Variants in DISP1 observed in about 807,000 individuals in gnomAD.
The protein encoded by DISP1 is dispatched RND transporter family member 1, also known as protein dispatched homolog 1.
Under a neutral mutation model 37.3 loss-of-function variants are expected in DISP1, and 30 were observed. The ratio of observed to expected loss-of-function variants is 0.80; its 90% CI spans 0.60 to 1.09. DISP1 has a LOEUF of 1.09. DISP1 is among the 50% of genes least tolerant of loss of function. The pLI, the probability that DISP1 is intolerant of heterozygous loss-of-function variation, is 0.00. For missense variants in DISP1, 1,598 were observed against 1,879.5 expected (o/e 0.85, Z 2.77); for synonymous variants, 634 against 690.2 (o/e 0.92, Z 1.28).
chr1:222,977,099 G>A (rs1186885772), intron 3 of DISP1, among the ~76,000 whole-genome samples: 1 of 152,020 alleles, frequency 6.6e-6, no homozygotes, highest in East Asian at 1.9e-4. Flanking sequence ...GCGCGATCTC[G>A]GTTCACCGCA....
intron 3 of DISP1, among the ~76,000 whole-genome samples, chr1:222,969,182 C>T (rs4509582): frequency 0.27 from 41,341 of 150,934 alleles, 5,821 homozygotes; most frequent in South Asian, 0.33. Context: ...ACCAGCCTGG[C>T]CAACACAGTG....
chr1:222,930,302 T>G (rs78109271), intron 2 of DISP1, among the ~76,000 whole-genome samples: 1,791 of 152,254 alleles, frequency 0.012, 31 homozygotes, highest in African/African-American at 0.041. Context: ...TATGAACATT[T>G]CCTATTTTTG....
chr1:222,819,050 T>C (rs1415336419), intron 1 of DISP1, among the ~76,000 whole-genome samples: 4 of 152,212 alleles, frequency 2.6e-5, no homozygotes, highest in Non-Finnish European at 5.9e-5. Context: ...GATTGGATCA[T>C]GGAGGTGGTT....
chr1:222,919,082 G>A (rs1369856336), intron 1 of DISP1, among the ~76,000 whole-genome samples: 1 of 152,246 alleles, frequency 6.6e-6, no homozygotes, highest in African/African-American at 2.4e-5. Context: ...GGAGCCATAA[G>A]CCAGTTGAAT....
At chr1:222,979,775 G>C (rs1677700378) in intron 3 of DISP1, 1 of 392,260 alleles carries the variant, frequency 2.5e-6, no homozygotes, top group Admixed American at 2.7e-5. Flanking sequence ...GCCCTGGCCA[G>C]CTGAGCGCTG....
In DISP1 at chr1:222,991,539, C is replaced by G; in HGVS notation, c.683C>G (p.Thr228Arg). ...CCTTAGGGTTTTGAACCAAGAGGAA[C>G]AGCAATAGGCCAGAGATTGGTCACA... ...DPLLGFEPRGTAIGQRLVTWN... is the reference protein window; with the variant it reads ...DPLLGFEPRGRAIGQRLVTWN... The change falls in exon 6 of 9, where the codon ACA becomes AGA. Residue 228 changes from threonine to arginine, a missense_variant. Physicochemically the swap from Thr to Arg is moderately conservative, Grantham distance 71. Transcript: ENST00000675850. The G allele has an allele frequency of 3.1e-6, 5 of 1,613,750 alleles. No homozygotes were observed. Among genetic ancestry groups the G allele is most frequent in the Non-Finnish European group, 3.4e-6 (4 of 1,179,838 alleles).
At chr1:222,958,096 A>G (rs556712380) in intron 3 of DISP1, among the ~76,000 whole-genome samples, 172 of 152,342 alleles carry the variant, frequency 1.1e-3, no homozygotes, top group African/African-American at 3.8e-3. Context: ...CTGTGGCATT[A>G]CCATCAGATT....
intron 3 of DISP1, among the ~76,000 whole-genome samples, chr1:222,953,028 TG>T (rs1423570271): frequency 6.6e-6 from 1 of 152,250 alleles, no homozygotes; most frequent in Non-Finnish European, 1.5e-5. Context: ...AGTTTATAGT[TG>T]CCGGGCTTTT....
intron 3 of DISP1, among the ~76,000 whole-genome samples, chr1:222,971,892 G>A (rs548221047): frequency 2.1e-4 from 32 of 152,068 alleles, no homozygotes; most frequent in Middle Eastern, 3.2e-3. Context: ...ATAAAATTTT[G>A]AAAGTGAGAA....
At chr1:222,947,565 C>T (rs778820408) in intron 3 of DISP1, among the ~76,000 whole-genome samples, 36 of 152,198 alleles carry the variant, frequency 2.4e-4, no homozygotes, top group Non-Finnish European at 4.0e-4. Context: ...GGTATATGCT[C>T]AGACCAGAAG....
At chr1:222,864,782 G>T (rs1051470334) in intron 1 of DISP1, among the ~76,000 whole-genome samples, 3 of 152,092 alleles carry the variant, frequency 2.0e-5, no homozygotes, top group South Asian at 2.1e-4. Context: ...CAGGCAAAAA[G>T]AATTTTCACT....
At chr1:222,906,133 C>T (rs1206431606) in intron 1 of DISP1, among the ~76,000 whole-genome samples, 1 of 152,056 alleles carries the variant, frequency 6.6e-6, no homozygotes, top group Non-Finnish European at 1.5e-5. Context: ...AAAAACCTGC[C>T]ACTTGAGAGG....
chr1:222,995,039 C>T, intron 8 of DISP1, 57 bp downstream of exon 8: 3 of 1,342,378 alleles, frequency 2.2e-6, no homozygotes, highest in Non-Finnish European at 3.2e-6. Flanking sequence ...ATTATTGAAA[C>T]TCCTTTTACT....
chr1:222,906,943 C>T (rs367946553), intron 1 of DISP1, among the ~76,000 whole-genome samples: 2 of 152,124 alleles, frequency 1.3e-5, no homozygotes. Flanking sequence ...ATGAGGTGTT[C>T]GGAGTTGATT....
chr1:222,985,232 G>A (rs139319666), intron 4 of DISP1, among the ~76,000 whole-genome samples: 366 of 152,238 alleles, frequency 2.4e-3, no homozygotes, highest in African/African-American at 8.4e-3. Context: ...TTTCTTTTAC[G>A]TACATGTGCA....
intron 1 of DISP1, among the ~76,000 whole-genome samples, chr1:222,926,591 G>GT (rs1673098273): frequency 6.6e-6 from 1 of 152,110 alleles, no homozygotes. Flanking sequence ...TTTTATGTGT[G>GT]TTTCTTTTTA....
At chr1:222,957,525 G>A (rs1386095052) in intron 3 of DISP1, among the ~76,000 whole-genome samples, 1 of 152,116 alleles carries the variant, frequency 6.6e-6, no homozygotes. Context: ...GGAGGTGGAG[G>A]TTGCAGTGAG....
rs1221190318 is a variant in DISP1 at position 223,003,159 on chromosome 1, A to G, written c.1762A>G (p.Lys588Glu). The G allele has an allele frequency of 3.1e-6, 5 of 1,614,110 alleles. No homozygotes were observed. The highest frequency in any genetic ancestry group is 2.2e-5 in the South Asian group (2 of 91,090). Residue 588 changes from lysine (K) to glutamate (E), a missense_variant, in exon 9 of 9, where the codon AAG (lysine) becomes GAG (glutamate). Lys to Glu is a moderately conservative substitution (Grantham distance 56, BLOSUM62 1). Coordinates refer to ENST00000675850, the MANE Select transcript of DISP1 (RefSeq NM_001377229.1). This position sits in a 1 kb window ranked among gnomAD's most constrained non-coding sequence, Gnocchi z 4.3. ...TGTTTGGAACTACACAAAATTTGATAAGCCTCATGCCGAAACCTCAGAAAC... is the reference window on the plus strand; with the variant it reads ...TGTTTGGAACTACACAAAATTTGATGAGCCTCATGCCGAAACCTCAGAAAC... ...CDVWNYTKFDKPHAETSETVS... is the reference protein window; with the variant it reads ...CDVWNYTKFDEPHAETSETVS...
chr1:222,948,292 A>G (rs1259894836), intron 3 of DISP1, among the ~76,000 whole-genome samples: 1 of 152,238 alleles, frequency 6.6e-6, no homozygotes, highest in Non-Finnish European at 1.5e-5. Flanking sequence ...ACTTTGACTC[A>G]GGCCAGCAGG....
Sources: allele counts gnomAD v4.1 joint callset (sites outside exome capture counted in the v4.1 genomes callset), GRCh38; gene constraint gnomAD v4.1.1; non-coding constraint Gnocchi (gnomAD v3.1); transcripts MANE v1.5; gene names NCBI Gene and HGNC (gene_info 2026-07-23, HGNC 2026-07-21).